AGAP1: variants seen among roughly 807,000 people sequenced by gnomAD.
The protein encoded by AGAP1 is ArfGAP with GTPase domain, ankyrin repeat and PH domain 1.
Under a neutral mutation model 105.3 loss-of-function variants are expected in AGAP1, and 29 were observed. The observed-to-expected ratio is 0.28, with a 90% CI of 0.21 to 0.38. The LOEUF (loss-of-function observed/expected upper bound fraction) is 0.38. Among genes scored for constraint, AGAP1 ranks in the 10% least tolerant of loss-of-function variants. The pLI is 1.00. For synonymous variants in AGAP1, 509 were observed against 485.9 expected (o/e 1.05, Z -0.63); for missense variants, 998 against 1,165.1 (o/e 0.86, Z 2.09).
At chr2:235,695,677 C>G (rs150640805) in intron 1 of AGAP1, among the ~76,000 whole-genome samples, 2 of 152,184 alleles carry the variant, frequency 1.3e-5, no homozygotes, top group Non-Finnish European at 2.9e-5. Flanking sequence ...CACATCTGAG[C>G]TGGTCAGGCA....
rs986228752 is a variant in AGAP1 at position 235,964,558 on chromosome 2, G to A, written c.1484-3904G>A. On this transcript the variant is annotated intron_variant, in intron 12 of 17. Coordinates refer to ENST00000304032, the MANE Select transcript of AGAP1 (RefSeq NM_001037131.3). This position sits in a 1 kb window ranked among gnomAD's most constrained non-coding sequence, Gnocchi z 4.6. ...TGAGCATTGAATAACACAGAGAAGG[G>A]TTGCTTTAGAATCAGGTAATGATCT... Among the ~76,000 whole-genome samples the A allele has an allele frequency of 6.6e-6, 1 of 152,154 alleles. No homozygotes were observed. Among genetic ancestry groups the A allele is most frequent in the Non-Finnish European group, 1.5e-5 (1 of 68,032 alleles).
At chr2:235,717,326 TG>T (rs1293427786) in intron 2 of AGAP1, among the ~76,000 whole-genome samples, 2 of 152,222 alleles carry the variant, frequency 1.3e-5, no homozygotes, top group Non-Finnish European at 2.9e-5. Flanking sequence ...ATACCAGCAT[TG>T]CTGATGCCGT....
At chr2:236,059,493 A>T (rs1355920595) in intron 16 of AGAP1, among the ~76,000 whole-genome samples, 1 of 152,194 alleles carries the variant, frequency 6.6e-6, no homozygotes, top group Non-Finnish European at 1.5e-5. Flanking sequence ...ACAGTAAGAG[A>T]CCGTCAAATA....
rs528607521 is a variant in AGAP1, at chr2:236,009,140, A to G, written c.1646-27421A>G. On this transcript the variant is annotated intron_variant, in intron 13 of 17. Coordinates refer to ENST00000304032, the MANE Select transcript of AGAP1 (RefSeq NM_001037131.3). The surrounding 1 kb of genome is among the most constrained non-coding windows in gnomAD (Gnocchi z 4.2). ...TTCACAGCTAAAGTAGTGAGTTCAC[A>G]TAGTCGAAGAATCTTCTGGGTTGCA... 3.9e-5 allele frequency among the ~76,000 whole-genome samples: 6 copies of G among 152,344 alleles called. No homozygotes were observed. The highest frequency in any genetic ancestry group is 5.9e-5 in the Non-Finnish European group (4 of 68,034).
chr2:235,853,124 A>G lies in AGAP1; in HGVS notation c.1051-30221A>G, dbSNP rs937220242. The stretch of plus-strand genomic sequence containing the variant: ...TTCTTTGAGGAACCTTTTTTTAAAG[A>G]AAAAAACATTTACTGGCGCTTTGCA... On this transcript the variant is annotated intron_variant, in intron 9 of 17. Coordinates refer to ENST00000304032, the MANE Select transcript of AGAP1 (RefSeq NM_001037131.3). 1.0e-5 allele frequency: 12 copies of G among 1,203,768 alleles called. No homozygotes were observed. In the African/African-American group the frequency reaches 1.7e-4, roughly 17 times the overall value. The allele number at this position is 1,203,768 out of a possible 1,614,324, so 74.6% of individuals were successfully genotyped here. A position where few individuals can be genotyped will look rare whatever the true frequency, so the allele number is the denominator to read the frequency against.
chr2:235,827,171 CTT>C (rs939502404), intron 9 of AGAP1, among the ~76,000 whole-genome samples: 1 of 152,206 alleles, frequency 6.6e-6, no homozygotes. Flanking sequence ...ATATGTGTGA[CTT>C]TTACTTTCTG....
At chr2:235,844,105 G>T (rs969505474) in intron 9 of AGAP1, among the ~76,000 whole-genome samples, 2 of 152,220 alleles carry the variant, frequency 1.3e-5, no homozygotes, top group Admixed American at 1.3e-4. Flanking sequence ...CCTGCTGAAA[G>T]CCTTCTGGGC....
intron 13 of AGAP1, among the ~76,000 whole-genome samples, chr2:235,974,228 A>C (rs1575939655): frequency 6.6e-6 from 1 of 152,160 alleles, no homozygotes; most frequent in Admixed American, 6.5e-5. Context: ...CTCTGCCTCA[A>C]ACTCTTTCCA....
In AGAP1 at chr2:236,044,971, G is replaced by A. The variant is rs1030008307; in HGVS notation, c.1892-4088G>A. Among the ~76,000 whole-genome samples, 2 of 152,196 alleles carry A rather than the reference G, an allele frequency of 1.3e-5. No individual in the cohort carries two copies. Among genetic ancestry groups the A allele is most frequent in the African/African-American group, 4.8e-5 (2 of 41,458 alleles). On this transcript the variant is annotated intron_variant, in intron 15 of 17. Coordinates refer to ENST00000304032, the MANE Select transcript of AGAP1 (RefSeq NM_001037131.3). The surrounding 1 kb of genome is among the most constrained non-coding windows in gnomAD (Gnocchi z 5.7). Reference sequence around the variant, plus strand: ...CTCTCGGGGCCTGTCCATGATTGCAGCAGTGCAATCATGGCTCACTGCAGC... The same window carrying A: ...CTCTCGGGGCCTGTCCATGATTGCAACAGTGCAATCATGGCTCACTGCAGC...
In AGAP1 at chr2:235,633,974, G is replaced by A. The variant is rs1244519450; in HGVS notation, c.164-75205G>A. On this transcript the variant is annotated intron_variant, in intron 1 of 17. Transcript: ENST00000304032. The surrounding 1 kb of genome is among the most constrained non-coding windows in gnomAD (Gnocchi z 4.8). Reference sequence around the variant, plus strand: ...CTTTACTTTGGGGTATCAGTTTTCCGAGCCCCAGCAAGCCCCTCCCTGCAA... The same window carrying A: ...CTTTACTTTGGGGTATCAGTTTTCCAAGCCCCAGCAAGCCCCTCCCTGCAA... 1.3e-5 allele frequency among the ~76,000 whole-genome samples: 2 copies of A among 152,054 alleles called. No homozygotes were observed. The highest frequency in any genetic ancestry group is 2.9e-5 in the Non-Finnish European group (2 of 68,022).
At position 235,856,560 on chromosome 2, in the gene AGAP1, G is replaced by A. The variant is rs115058302; in HGVS notation, c.1051-26785G>A. On this transcript the variant is annotated intron_variant, in intron 9 of 17. Coordinates refer to ENST00000304032, the MANE Select transcript of AGAP1 (RefSeq NM_001037131.3). ...AGACTCAAACCGAAGGTCCGTTAAT[G>A]TCCTCATCAGTCGTGAGCAGCTCTG... is the stretch of plus-strand genomic sequence containing the variant. Among the ~76,000 whole-genome samples, 1,098 of 152,340 alleles carry A rather than the reference G, an allele frequency of 7.2e-3. 5 individuals are homozygous for A. The highest frequency in any genetic ancestry group is 0.027 in the Middle Eastern group (8 of 294).
chr2:236,070,017 C>T (rs1046554737), intron 16 of AGAP1, among the ~76,000 whole-genome samples: 77 of 152,370 alleles, frequency 5.1e-4, no homozygotes, highest in African/African-American at 1.8e-3. Flanking sequence ...TGACGCCACC[C>T]AAGGGCACAC....
At chr2:235,790,549 A>G (rs1228680729) in intron 6 of AGAP1, among the ~76,000 whole-genome samples, 1 of 152,144 alleles carries the variant, frequency 6.6e-6, no homozygotes, top group Non-Finnish European at 1.5e-5. Flanking sequence ...TTTCCAAAGC[A>G]TAGATCTCTT....
intron 1 of AGAP1, chr2:235,670,787 G>A (rs1184733557): frequency 7.9e-7 from 1 of 1,268,582 alleles, no homozygotes; most frequent in Admixed American, 2.3e-5. Flanking sequence ...GGAGCGTTGG[G>A]AACGCAGTAA....
At chr2:235,641,664 T>C (rs992318216) in intron 1 of AGAP1, among the ~76,000 whole-genome samples, 2 of 152,266 alleles carry the variant, frequency 1.3e-5, no homozygotes, top group Non-Finnish European at 2.9e-5. Context: ...TCAGTGGCAT[T>C]ATTTGTTACA....
intron 12 of AGAP1, among the ~76,000 whole-genome samples, chr2:235,955,638 A>G (rs547949051): frequency 2.0e-5 from 3 of 152,342 alleles, no homozygotes; most frequent in East Asian, 3.9e-4. Flanking sequence ...ATCTTCTATG[A>G]CATATAACAC....
At position 235,845,384 on chromosome 2, in the gene AGAP1, G is replaced by A. The variant is rs912162041; in HGVS notation, c.1051-37961G>A. On this transcript the variant is annotated intron_variant, in intron 9 of 17. Coordinates refer to ENST00000304032, the MANE Select transcript of AGAP1 (RefSeq NM_001037131.3). This position sits in a 1 kb window ranked among gnomAD's most constrained non-coding sequence, Gnocchi z 4.8. Reference sequence around the variant, plus strand: ...GCTGGCTTCTGGGAGTGCAGATTTTGCAGACATGGAAGCAGAAAATCATAT... The same window carrying A: ...GCTGGCTTCTGGGAGTGCAGATTTTACAGACATGGAAGCAGAAAATCATAT... 2.6e-5 allele frequency among the ~76,000 whole-genome samples: 4 copies of A among 152,080 alleles called. No homozygotes were observed. The highest frequency in any genetic ancestry group is 9.7e-5 in the African/African-American group (4 of 41,406).
At chr2:235,756,229 C>T (rs6717436) in intron 6 of AGAP1, among the ~76,000 whole-genome samples, 2,663 of 152,222 alleles carry the variant, frequency 0.017, 86 homozygotes, top group African/African-American at 0.06. Context: ...CTGCGGGTGG[C>T]GGTGCCACAG....
chr2:236,070,605 G>A (rs999307673), intron 16 of AGAP1, among the ~76,000 whole-genome samples: 2 of 152,222 alleles, frequency 1.3e-5, no homozygotes, highest in Non-Finnish European at 2.9e-5. Flanking sequence ...ATGGAATATT[G>A]TTCAGCCACA....
Sources: gnomAD v4.1 joint callset for allele counts (sites outside exome capture counted in the v4.1 genomes callset) on GRCh38, gnomAD v4.1.1 for gene constraint, Gnocchi (gnomAD v3.1) non-coding constraint, MANE v1.5 for transcripts, NCBI Gene and HGNC (gene_info 2026-07-23, HGNC 2026-07-21) for gene names.